The following CTNNA2 variants were observed in gnomAD, a reference collection of about 807,000 sequenced individuals.
The protein encoded by CTNNA2 is catenin alpha-2.
A neutral mutation model predicts 101.0 loss-of-function variants in CTNNA2; 42 were observed. That is an observed-to-expected ratio of 0.42 (90% CI 0.32 to 0.54). The LOEUF is 0.54. CTNNA2 is among the 20% of genes least tolerant of loss of function. CTNNA2 has a pLI of 0.14. For synonymous variants in CTNNA2, 450 were observed against 456.4 expected, an observed-to-expected ratio of 0.99 and a Z score of 0.18; for missense variants, 871 against 1,223.1, an observed-to-expected ratio of 0.71 and a Z score of 4.29.
intron 7 of CTNNA2, among the ~76,000 whole-genome samples, chr2:80,204,398 A>T (rs191611822): frequency 1.5e-4 from 23 of 152,280 alleles, no homozygotes; most frequent in African/African-American, 5.3e-4. Context: ...CTGCTTAGAA[A>T]TTTCTTCTGC....
At chr2:80,368,965 G>A (rs1326531137) in intron 7 of CTNNA2, among the ~76,000 whole-genome samples, 1 of 151,536 alleles carries the variant, frequency 6.6e-6, no homozygotes. Context: ...GGTCAGCTGG[G>A]TGACTGTGCT....
intron 7 of CTNNA2, among the ~76,000 whole-genome samples, chr2:79,982,265 TAAC>T (rs1691372780): frequency 8.7e-5 from 7 of 80,662 alleles, no homozygotes; most frequent in African/African-American, 1.9e-4. Context: ...CACACACACA[TAAC>T]ATATATATAA....
chr2:80,149,959 C>G (rs762834152), intron 7 of CTNNA2, among the ~76,000 whole-genome samples: 2 of 152,144 alleles, frequency 1.3e-5, no homozygotes, highest in African/African-American at 2.4e-5. Flanking sequence ...AGCATCCACC[C>G]TAGGCCTGTT....
chr2:80,434,277 TACA>T (rs1681819050), intron 9 of CTNNA2, among the ~76,000 whole-genome samples: 1 of 152,208 alleles, frequency 6.6e-6, no homozygotes, highest in African/African-American at 2.4e-5. Flanking sequence ...TTATCGCTTC[TACA>T]ACAACTTTCA....
intron 1 of CTNNA2, among the ~76,000 whole-genome samples, chr2:79,605,003 A>C (rs6739700): frequency 0.14 from 20,666 of 152,194 alleles, 2,396 homozygotes; most frequent in African/African-American, 0.32. Context: ...TAAGCAAAGA[A>C]GCAGGAAATT....
chr2:80,406,653 T>C (rs895235418), intron 8 of CTNNA2, among the ~76,000 whole-genome samples: 1 of 151,798 alleles, frequency 6.6e-6, no homozygotes, highest in African/African-American at 2.4e-5. Context: ...GGTGAAACCC[T>C]GTCTCTACTA....
chr2:80,377,597 T>C (rs1436410823), intron 7 of CTNNA2, among the ~76,000 whole-genome samples: 1 of 152,086 alleles, frequency 6.6e-6, no homozygotes, highest in Non-Finnish European at 1.5e-5. Flanking sequence ...GTTGAGGAGG[T>C]AGGAAGACTG....
At chr2:79,693,543 A>G (rs1684461419) in intron 2 of CTNNA2, among the ~76,000 whole-genome samples, 1 of 151,990 alleles carries the variant, frequency 6.6e-6, no homozygotes. Flanking sequence ...CAGAAGAGAG[A>G]AAATCTTTTG....
chr2:79,336,813 T>A (rs1677004924), intron 3 of CTNNA2, among the ~76,000 whole-genome samples: 1 of 152,126 alleles, frequency 6.6e-6, no homozygotes, highest in Non-Finnish European at 1.5e-5. Context: ...CAAGGCCAAT[T>A]TAGAATTTCT....
chr2:79,762,690 G>C (rs1275518063), intron 3 of CTNNA2, among the ~76,000 whole-genome samples: 1 of 152,100 alleles, frequency 6.6e-6, no homozygotes. Flanking sequence ...GTTCTGTCTT[G>C]AAAATGAATA....
intron 7 of CTNNA2, among the ~76,000 whole-genome samples, chr2:80,273,651 G>C (rs1228070043): frequency 6.6e-6 from 1 of 151,832 alleles, no homozygotes; most frequent in East Asian, 1.9e-4. Context: ...TGCCACACTG[G>C]CCCCCTTGCA....
At chr2:79,532,278 G>A (rs964117915) in intron 1 of CTNNA2, among the ~76,000 whole-genome samples, 5 of 152,046 alleles carry the variant, frequency 3.3e-5, no homozygotes, top group Non-Finnish European at 5.9e-5. Flanking sequence ...TTCTGTACTA[G>A]TCATTAGGGG....
intron 9 of CTNNA2, among the ~76,000 whole-genome samples, chr2:80,499,620 C>T (rs1179733106): frequency 2.0e-5 from 3 of 151,940 alleles, no homozygotes; most frequent in South Asian, 4.2e-4. Context: ...GTCAGGAGTT[C>T]GAGACCAGCC....
intron 7 of CTNNA2, among the ~76,000 whole-genome samples, chr2:80,001,319 T>C (rs1692931647): frequency 6.6e-6 from 1 of 152,190 alleles, no homozygotes; most frequent in Non-Finnish European, 1.5e-5. Flanking sequence ...TTTTTCTGTC[T>C]TCTCTTCCCC....
intron 7 of CTNNA2, among the ~76,000 whole-genome samples, chr2:80,045,040 G>A (rs183773838): frequency 6.6e-6 from 1 of 152,316 alleles, no homozygotes; most frequent in Admixed American, 6.5e-5. Context: ...CGCTCAACCA[G>A]GATGTTGAAT....
chr2:79,187,234 CTT>C (rs1491123318), intron 1 of CTNNA2, among the ~76,000 whole-genome samples: 2 of 135,870 alleles, frequency 1.5e-5, no homozygotes, highest in African/African-American at 2.8e-5. Flanking sequence ...TAAGACACTT[CTT>C]TTTCTTTTCT....
intron 1 of CTNNA2, among the ~76,000 whole-genome samples, chr2:79,570,776 A>G (rs1462522429): frequency 1.2e-4 from 18 of 152,214 alleles, no homozygotes; most frequent in Non-Finnish European, 1.0e-4. Flanking sequence ...TAGAGCATGA[A>G]TTAGTCAGCT....
intron 1 of CTNNA2, among the ~76,000 whole-genome samples, chr2:79,559,857 G>A (rs1032153315): frequency 6.6e-6 from 1 of 151,828 alleles, no homozygotes; most frequent in Non-Finnish European, 1.5e-5. Context: ...TACCATTTAT[G>A]TGCCAGGCTA....
At chr2:80,208,124 G>A (rs1707644579) in intron 7 of CTNNA2, among the ~76,000 whole-genome samples, 1 of 152,116 alleles carries the variant, frequency 6.6e-6, no homozygotes, top group African/African-American at 2.4e-5. Flanking sequence ...CTTTGCCAAG[G>A]TTTCTAAATT....
Sources: gnomAD v4.1 joint callset for allele counts (sites outside exome capture counted in the v4.1 genomes callset) on GRCh38, gnomAD v4.1.1 for gene constraint, MANE v1.5 for transcripts, NCBI Gene and HGNC (gene_info 2026-07-23, HGNC 2026-07-21) for gene names.